The following MPHOSPH8 variants were observed in gnomAD, a reference collection of about 807,000 sequenced individuals.
The protein encoded by MPHOSPH8 is M-phase phosphoprotein 8.
Under a neutral mutation model 87.3 loss-of-function variants are expected in MPHOSPH8, and 45 were observed. The ratio of observed to expected loss-of-function variants is 0.52; its 90% CI spans 0.41 to 0.66. MPHOSPH8 has a LOEUF of 0.66. Ranked by LOEUF, MPHOSPH8 falls within the 30% of genes least tolerant of loss-of-function variation. MPHOSPH8 has a pLI of 0.00. For synonymous variants in MPHOSPH8, 366 were observed against 376.9 expected (o/e 0.97, Z 0.33); for missense variants, 883 against 1,020.2 (o/e 0.87, Z 1.83).
At chr13:19,654,412 C>A (rs1356764390) in intron 5 of MPHOSPH8, among the ~76,000 whole-genome samples, 1 of 152,106 alleles carries the variant, frequency 6.6e-6, no homozygotes, top group Non-Finnish European at 1.5e-5. Context: ...ACTGCCATGG[C>A]ACGTGTATGC....
intron 2 of MPHOSPH8, among the ~76,000 whole-genome samples, chr13:19,643,730 A>AT (rs1874422420): frequency 1.3e-5 from 2 of 152,122 alleles, no homozygotes; most frequent in African/African-American, 4.8e-5. Context: ...ACTGTTGTAC[A>AT]TTTAGCTGGA....
intron 1 of MPHOSPH8, among the ~76,000 whole-genome samples, chr13:19,639,397 G>GCCT (rs945623540): frequency 2.0e-5 from 3 of 151,282 alleles, no homozygotes; most frequent in African/African-American, 7.3e-5. Context: ...TGCAACCTCC[G>GCCT]CCTCCTGGGT....
At chr13:19,641,935 A>G (rs1874315085) in intron 1 of MPHOSPH8, among the ~76,000 whole-genome samples, 180 bp from the exon 2 acceptor site, 1 of 152,074 alleles carries the variant, frequency 6.6e-6, no homozygotes, top group African/African-American at 2.4e-5. Flanking sequence ...GCACCTGGTC[A>G]ATACTTTTTT....
rs1259783069 is a variant in MPHOSPH8, at chr13:19,633,976, C to T, written c.213+15C>T. On this transcript the variant is annotated intron_variant, in intron 1 of 13. Transcript: ENST00000361479. ...AGACCGAGGGGGTATGTGGAGGGGC[C>T]CCGGCGCGGGGCTGGGCGGGGAGCT... is the stretch of plus-strand genomic sequence containing the variant. 6.3e-7 allele frequency: 1 copy of T among 1,599,152 alleles called. No individual in the cohort carries two copies. The highest frequency in any genetic ancestry group is 8.5e-7 in the Non-Finnish European group (1 of 1,173,780).
Position 19,662,926 on chromosome 13 carries a change from A to G in MPHOSPH8, c.1933-114A>G, listed in dbSNP as rs186509645. On this transcript the variant is annotated intron_variant, in intron 8 of 13. Coordinates refer to ENST00000361479, the MANE Select transcript of MPHOSPH8 (RefSeq NM_017520.4). ...CACGGGAATGCTGCAGCCCGCAACC[A>G]CTTGTGATAGAACCTGCTGGGTATT... 3,627 of 888,564 alleles carry G rather than the reference A, an allele frequency of 4.1e-3. 15 individuals are homozygous for G. Among genetic ancestry groups the G allele is most frequent in the Non-Finnish European group, 5.3e-3 (3,030 of 569,590 alleles). 55.0% of individuals were successfully genotyped at this position (888,564 alleles called of 1,614,324 possible). A position where few individuals can be genotyped will look rare whatever the true frequency, so the allele number is the denominator to read the frequency against.
At chr13:19,663,265 G>T in intron 9 of MPHOSPH8, 139 bp downstream of exon 9, 1 of 743,220 alleles carries the variant, frequency 1.3e-6, no homozygotes. Context: ...CCGCTTGCAG[G>T]GGAGAAGGAG....
At chr13:19,663,255 C>A in intron 9 of MPHOSPH8, 129 bp downstream of exon 9, 1 of 793,242 alleles carries the variant, frequency 1.3e-6, no homozygotes, top group Non-Finnish European at 2.1e-6. Flanking sequence ...CTAGAGTCAG[C>A]CGCTTGCAGG....
chr13:19,643,286 C>T (rs1874391772), intron 2 of MPHOSPH8, among the ~76,000 whole-genome samples: 1 of 152,116 alleles, frequency 6.6e-6, no homozygotes, highest in African/African-American at 2.4e-5. Flanking sequence ...TTCTGTCACC[C>T]AGGCTGGAGT....
At chr13:19,652,618 G>A (rs1874921528) in intron 5 of MPHOSPH8, among the ~76,000 whole-genome samples, 1 of 152,112 alleles carries the variant, frequency 6.6e-6, no homozygotes, top group Non-Finnish European at 1.5e-5. Flanking sequence ...TGAAGCCAGG[G>A]AGCCAAGTGG....
In MPHOSPH8 at chr13:19,633,910, C is replaced by G. The variant is rs201058071; in HGVS notation, c.162C>G (p.Asp54Glu). Reference sequence around the variant, plus strand: ...AGGCCTTTGGCGACAGTGAGGAGGACGGAGAGGATGTGTTCGAGGTGGAGA... The same window carrying G: ...AGGCCTTTGGCGACAGTGAGGAGGAGGGAGAGGATGTGTTCGAGGTGGAGA... Reference protein sequence around the residue: ...GAEAFGDSEEDGEDVFEVEKI... With the variant: ...GAEAFGDSEEEGEDVFEVEKI... The change falls in exon 1 of 14, where the codon GAC becomes GAG. Residue 54 changes from aspartate (D) to glutamate (E), a missense_variant. This residue lies in a region of MPHOSPH8 where 103 missense variants were observed against 96.3 expected (regional missense o/e 1.07). Coordinates refer to ENST00000361479, the MANE Select transcript of MPHOSPH8 (RefSeq NM_017520.4). 4 of 1,611,472 alleles carry G rather than the reference C, an allele frequency of 2.5e-6. No individual in the cohort carries two copies. Among genetic ancestry groups the G allele is most frequent in the Middle Eastern group, 3.3e-4 (2 of 6,062 alleles).
At chr13:19,643,724 T>C (rs1204060955) in intron 2 of MPHOSPH8, among the ~76,000 whole-genome samples, 1 of 152,152 alleles carries the variant, frequency 6.6e-6, no homozygotes, top group Non-Finnish European at 1.5e-5. Flanking sequence ...GCTAAAACTG[T>C]TGTACATTTA....
In MPHOSPH8 at chr13:19,672,477, G is replaced by C. The variant is rs1876189571; in HGVS notation, c.*602G>C. On this transcript the variant is annotated 3_prime_UTR_variant, in exon 14 of 14. Transcript: ENST00000361479. Reference sequence around the variant, plus strand: ...TTTCTTAACTTGAAATTTTCTACTAGCCCTGGTGAACTTCTGTGCTTAAAA... The same window carrying C: ...TTTCTTAACTTGAAATTTTCTACTACCCCTGGTGAACTTCTGTGCTTAAAA... The C allele has an allele frequency of 6.9e-6, 1 of 144,598 alleles. No individual in the cohort carries two copies. Among genetic ancestry groups the C allele is most frequent in the Non-Finnish European group, 1.5e-5 (1 of 67,116 alleles). 9.0% of individuals were successfully genotyped at this position (144,598 alleles called of 1,614,324 possible). A position where few individuals can be genotyped will look rare whatever the true frequency, so the allele number is the denominator to read the frequency against.
In MPHOSPH8 at chr13:19,661,733, C is replaced by T. The variant is rs751871016; in HGVS notation, c.1827C>T (p.Ala609=). 10 of 1,610,454 alleles carry T rather than the reference C, an allele frequency of 6.2e-6. No homozygotes were observed. The highest frequency in any genetic ancestry group is 4.5e-5 in the East Asian group (2 of 44,702). ...SSGMTLVMLA[A]AGGQDDLLRL... is the part of the protein sequence containing the mutation. ...GAATGACACTGGTGATGCTTGCCGC[C>T]GCCGGAGGGCAGGACGACCTCCTGC... The change falls in exon 8 of 14, where the codon GCC becomes GCT. Residue 609 remains alanine, a synonymous_variant. Transcript: ENST00000361479.
chr13:19,671,382 GTGT>G, intron 13 of MPHOSPH8, 93 bp downstream of exon 13: 1 of 1,151,260 alleles, frequency 8.7e-7, no homozygotes, highest in South Asian at 1.3e-5. Context: ...AAGAATCCTG[GTGT>G]ACCTGTCCTA....
At chr13:19,650,921 G>A (rs1433563829) in intron 5 of MPHOSPH8, among the ~76,000 whole-genome samples, 1 of 152,214 alleles carries the variant, frequency 6.6e-6, no homozygotes, top group Non-Finnish European at 1.5e-5. Flanking sequence ...GGGAAAATGT[G>A]CTTTTGGATA....
chr13:19,647,364 C>G (rs1874625222), intron 3 of MPHOSPH8, 73 bp downstream of exon 3: 2 of 1,332,956 alleles, frequency 1.5e-6, no homozygotes, highest in East Asian at 4.8e-5. Context: ...GAAAGGGAAA[C>G]AGTCAAGCTA....
At chr13:19,664,004 TA>T (rs1875688210) in intron 9 of MPHOSPH8, among the ~76,000 whole-genome samples, 1 of 152,118 alleles carries the variant, frequency 6.6e-6, no homozygotes, top group Non-Finnish European at 1.5e-5. Context: ...ATGAGGCCCA[TA>T]AACAGTCTCC....
At chr13:19,656,277 CA>C (rs71198922) in intron 5 of MPHOSPH8, among the ~76,000 whole-genome samples, 187 of 72,254 alleles carry the variant, frequency 2.6e-3, no homozygotes, top group African/African-American at 0.01. Context: ...AGACTGTTGT[CA>C]AAAAAAAAAA....
At chr13:19,671,138 A>G (rs1327244136) in intron 12 of MPHOSPH8, 68 bp from the exon 13 acceptor site, 1 of 1,571,434 alleles carries the variant, frequency 6.4e-7, no homozygotes, top group Non-Finnish European at 8.6e-7. Flanking sequence ...CTTTTACATC[A>G]TTGGTGTTTT....
Sources: allele counts gnomAD v4.1 joint callset (sites outside exome capture counted in the v4.1 genomes callset), GRCh38; gene constraint gnomAD v4.1.1; regional missense constraint gnomAD v4.1.1; transcripts MANE v1.5; gene names NCBI Gene and HGNC (gene_info 2026-07-23, HGNC 2026-07-21).